RPS6KA2: variants seen among roughly 807,000 people sequenced by gnomAD.
RPS6KA2 encodes ribosomal protein S6 kinase A2, also known as ribosomal protein S6 kinase alpha-2.
Under a neutral mutation model 91.8 loss-of-function variants are expected in RPS6KA2, and 42 were observed. That is an observed-to-expected ratio of 0.46 (90% CI 0.36 to 0.59). The LOEUF (loss-of-function observed/expected upper bound fraction) is 0.59. Ranked by LOEUF, RPS6KA2 falls within the 20% of genes least tolerant of loss-of-function variation. The pLI is 0.00. For synonymous variants in RPS6KA2, 414 were observed against 393.6 expected (o/e 1.05, Z -0.61); for missense variants, 798 against 978.5 (o/e 0.82, Z 2.46).
In RPS6KA2 at chr6:166,412,812, T is replaced by A. The variant is rs1778357094; in HGVS notation, c.2152A>T (p.Asn718Tyr). Residue 718 changes from asparagine (N) to tyrosine (Y), a missense_variant, in exon 21 of 21, where the codon AAC (asparagine) becomes TAC (tyrosine). Coordinates refer to ENST00000265678, the MANE Select transcript of RPS6KA2 (RefSeq NM_021135.6). This position sits in a 1 kb window ranked among gnomAD's most constrained non-coding sequence, Gnocchi z 4.3. ...APRLEPVLSS[N>Y]LAQRRGMKRL... Reference sequence around the variant, plus strand: ...TTCATGCCTCTGCGCTGAGCCAGGTTGGATGACAGCACGGGCTCCAGCCGC... The same window carrying A: ...TTCATGCCTCTGCGCTGAGCCAGGTAGGATGACAGCACGGGCTCCAGCCGC... 6.3e-7 allele frequency: 1 copy of A among 1,592,418 alleles called. No homozygotes were observed. Among genetic ancestry groups the A allele is most frequent in the African/African-American group, 1.3e-5 (1 of 74,750 alleles).
In RPS6KA2 at chr6:166,732,666, A is replaced by T. The variant is rs2128589507; in HGVS notation, c.123+125534T>A. Reference sequence around the variant, plus strand: ...CTTTGCAGGGATTGCTGTCTAGGGGATGGAAGCGCAAAGAAGCTCGGAGCT... The same window carrying T: ...CTTTGCAGGGATTGCTGTCTAGGGGTTGGAAGCGCAAAGAAGCTCGGAGCT... On this transcript the variant is annotated intron_variant, in intron 2 of 21. Transcript: ENST00000503859. This position sits in a 1 kb window ranked among gnomAD's most constrained non-coding sequence, Gnocchi z 4.0. Among the ~76,000 whole-genome samples, 1 of 152,298 alleles carries T rather than the reference A, an allele frequency of 6.6e-6. No individual in the cohort carries two copies. The highest frequency in any genetic ancestry group is 1.9e-4 in the East Asian group (1 of 5,186).
Position 166,665,003 on chromosome 6 carries a change from G to C in RPS6KA2, c.124-126219C>G, listed in dbSNP as rs1788274643. On this transcript the variant is annotated intron_variant, in intron 2 of 21. Transcript: ENST00000503859. This position sits in a 1 kb window ranked among gnomAD's most constrained non-coding sequence, Gnocchi z 4.5. Reference sequence around the variant, plus strand: ...CTCACACCTGTAACCCCAGTACTTTGAGAGGCTGAGGCAAGAGGATTGCTT... The same window carrying C: ...CTCACACCTGTAACCCCAGTACTTTCAGAGGCTGAGGCAAGAGGATTGCTT... Among the ~76,000 whole-genome samples, 1 of 152,178 alleles carries C rather than the reference G, an allele frequency of 6.6e-6. No individual in the cohort carries two copies. The highest frequency in any genetic ancestry group is 1.5e-5 in the Non-Finnish European group (1 of 68,028).
At chr6:166,757,953 T>G in intron 2 of RPS6KA2, 1 of 180,558 alleles carries the variant, frequency 5.5e-6, no homozygotes, top group South Asian at 1.1e-4. Flanking sequence ...GAACACAACA[T>G]CTGGCAGAAG....
intron 2 of RPS6KA2, among the ~76,000 whole-genome samples, chr6:166,855,462 G>C (rs13198712): frequency 1.3e-4 from 17 of 128,338 alleles, no homozygotes; most frequent in African/African-American, 6.8e-4. Flanking sequence ...AAGAAGAAGA[G>C]GAAGAGGAAG....
In RPS6KA2 at chr6:166,849,155, GGTCT is replaced by G. The variant is rs139754105; in HGVS notation, c.123+9041_123+9044del. On this transcript the variant is annotated intron_variant, in intron 2 of 21. Coordinates refer to the RPS6KA2 transcript ENST00000503859. The surrounding 1 kb of genome is among the most constrained non-coding windows in gnomAD (Gnocchi z 4.9). ...GGCTTCCTTGGTCCGGCCATGCCAG[GGTCT>G]GTCTGTCTGTCTGTCTGGGACAATC... Among the ~76,000 whole-genome samples, 2 of 151,724 alleles carry G rather than the reference GGTCT, an allele frequency of 1.3e-5. No individual in the cohort carries two copies. Among genetic ancestry groups the G allele is most frequent in the Non-Finnish European group, 2.9e-5 (2 of 67,942 alleles).
intron 2 of RPS6KA2, among the ~76,000 whole-genome samples, chr6:166,717,989 C>G (rs558557704): frequency 2.0e-5 from 3 of 152,218 alleles, no homozygotes; most frequent in African/African-American, 7.2e-5. Context: ...GCTGGGATTA[C>G]AGGTGCCCGC....
intron 8 of RPS6KA2, 21 bp downstream of exon 8, chr6:166,498,487 A>G (rs781553484): frequency 2.5e-6 from 4 of 1,595,196 alleles, no homozygotes; most frequent in Non-Finnish European, 3.4e-6. Context: ...ATGGCACAGA[A>G]GAGGGTCGGG....
At chr6:166,830,409 AAAT>A (rs1360387689) in intron 2 of RPS6KA2, among the ~76,000 whole-genome samples, 1 of 152,202 alleles carries the variant, frequency 6.6e-6, no homozygotes, top group Non-Finnish European at 1.5e-5. Flanking sequence ...CAGTGTTGCA[AAAT>A]GAGAAGTATT....
intron 2 of RPS6KA2, among the ~76,000 whole-genome samples, chr6:166,745,146 GCCTTT>G (rs1482448090): frequency 5.6e-5 from 8 of 141,608 alleles, no homozygotes; most frequent in African/African-American, 1.9e-4. Context: ...GTCCTAATCG[GCCTTT>G]TTTTTTTTTT....
At position 166,569,489 on chromosome 6, in the gene RPS6KA2, C is replaced by T. The variant is rs555695877; in HGVS notation, c.100-30705G>A. Reference sequence around the variant, plus strand: ...TTTGGGAAAGGCCCTGGCCTGTCATCGGATGCCTCTGCCCTCGCTGGGTCC... The same window carrying T: ...TTTGGGAAAGGCCCTGGCCTGTCATTGGATGCCTCTGCCCTCGCTGGGTCC... On this transcript the variant is annotated intron_variant, in intron 1 of 20. Transcript: ENST00000265678. Among the ~76,000 whole-genome samples the T allele has an allele frequency of 2.8e-3, 425 of 152,328 alleles. 1 individual carries two copies. Among genetic ancestry groups the T allele is most frequent in the African/African-American group, 6.9e-3 (285 of 41,576 alleles).
intron 3 of RPS6KA2, among the ~76,000 whole-genome samples, chr6:166,523,756 T>A (rs750397440): frequency 6.6e-6 from 1 of 152,184 alleles, no homozygotes; most frequent in Non-Finnish European, 1.5e-5. Context: ...CGGAGCTGAG[T>A]TTCTGAGTGA....
chr6:166,793,238 G>A (rs1779141301), intron 2 of RPS6KA2, among the ~76,000 whole-genome samples: 1 of 150,958 alleles, frequency 6.6e-6, no homozygotes, highest in Admixed American at 6.6e-5. Context: ...AATCATGAGT[G>A]AACTCCCATT....
At chr6:166,721,384 A>C (rs1038892036) in intron 2 of RPS6KA2, among the ~76,000 whole-genome samples, 4 of 152,208 alleles carry the variant, frequency 2.6e-5, no homozygotes, top group African/African-American at 9.6e-5. Context: ...GCACAGGCCT[A>C]GCCCAGACAC....
intron 2 of RPS6KA2, among the ~76,000 whole-genome samples, chr6:166,739,047 A>G (rs1790742057): frequency 6.6e-6 from 1 of 152,218 alleles, no homozygotes; most frequent in South Asian, 2.1e-4. Flanking sequence ...ACTGTAGGAA[A>G]AATCAAGAGT....
At chr6:166,820,669 A>T (rs1435316138) in intron 2 of RPS6KA2, among the ~76,000 whole-genome samples, 1 of 152,248 alleles carries the variant, frequency 6.6e-6, no homozygotes, top group Non-Finnish European at 1.5e-5. Context: ...GTTTATTCCC[A>T]TAATTCCAAT....
intron 1 of RPS6KA2, among the ~76,000 whole-genome samples, chr6:166,621,806 C>T (rs765878357): frequency 6.6e-6 from 1 of 152,198 alleles, no homozygotes; most frequent in Non-Finnish European, 1.5e-5. Context: ...CCCAAGGCCG[C>T]ACACATCTCT....
chr6:166,458,255 C>G (rs1780167409), intron 12 of RPS6KA2, among the ~76,000 whole-genome samples: 1 of 152,160 alleles, frequency 6.6e-6, no homozygotes, highest in African/African-American at 2.4e-5. Flanking sequence ...TGGGAGATGA[C>G]TGAATTATGG....
intron 1 of RPS6KA2, among the ~76,000 whole-genome samples, chr6:166,588,592 T>C (rs1785260168): frequency 6.6e-6 from 1 of 152,208 alleles, no homozygotes; most frequent in East Asian, 1.9e-4. Context: ...CTGGCTGATT[T>C]TGCCATCTAA....
chr6:166,818,714 A>G (rs1779831348), intron 2 of RPS6KA2, among the ~76,000 whole-genome samples: 1 of 152,082 alleles, frequency 6.6e-6, no homozygotes, highest in African/African-American at 2.4e-5. Context: ...AAATCCATCA[A>G]TTATTTTTTA....
Sources: gnomAD v4.1 joint callset for allele counts (sites outside exome capture counted in the v4.1 genomes callset) on GRCh38, gnomAD v4.1.1 for gene constraint, Gnocchi (gnomAD v3.1) non-coding constraint, MANE v1.5 for transcripts, NCBI Gene and HGNC (gene_info 2026-07-23, HGNC 2026-07-21) for gene names.